The following GC variants were observed in gnomAD, a reference collection of about 807,000 sequenced individuals.
GC encodes the protein GC vitamin D binding protein, also known as vitamin D-binding protein.
GC carries 43 observed loss-of-function variants against 56.7 expected under a neutral mutation model. The ratio of observed to expected loss-of-function variants is 0.76; its 90% CI spans 0.59 to 0.98. GC has a LOEUF of 0.98. Ranked by LOEUF, GC falls within the 50% of genes least tolerant of loss-of-function variation. The probability of loss-of-function intolerance (pLI) is 0.00; values close to 1 mark genes in which losing one functional copy is unlikely to be tolerated. For synonymous variants in GC, 216 were observed against 202.7 expected, an observed-to-expected ratio of 1.07 and a Z score of -0.56; for missense variants, 529 against 545.9, an observed-to-expected ratio of 0.97 and a Z score of 0.31.
intron 8 of GC, among the ~76,000 whole-genome samples, chr4:71,756,086 AAATG>A (rs202036405): frequency 0.05 from 6,615 of 131,360 alleles, 197 homozygotes; most frequent in Non-Finnish European, 0.079. Flanking sequence ...AATTTAATGA[AAATG>A]AATATTGATA....
At position 71,746,137 on chromosome 4, in the gene GC, TA is replaced by T; in HGVS notation, c.*25+13del. Reference sequence around the variant, plus strand: ...GCTGGATCCGTTGGTCCTGCATTTATAAAATATACTTACCAAAGTTAATAAA... The same window carrying T: ...GCTGGATCCGTTGGTCCTGCATTTATAAATATACTTACCAAAGTTAATAAA... On this transcript the variant is annotated intron_variant, in intron 12 of 12. Coordinates refer to ENST00000273951, the MANE Select transcript of GC (RefSeq NM_000583.4). The T allele has an allele frequency of 1.0e-6, 1 of 981,778 alleles. No homozygotes were observed. Among genetic ancestry groups the T allele is most frequent in the Non-Finnish European group, 1.6e-6 (1 of 610,452 alleles). 60.8% of individuals were successfully genotyped at this position (981,778 alleles called of 1,614,324 possible).
chr4:71,770,429 G>C lies in GC; in HGVS notation c.59-1029C>G, dbSNP rs190144657. 5.5e-4 allele frequency among the ~76,000 whole-genome samples: 83 copies of C among 152,282 alleles called. 1 individual carries two copies. The highest frequency in any genetic ancestry group is 1.7e-3 in the African/African-American group (72 of 41,576). ...GGGGCCCAGAGGAGAGTCTTAAGGT[G>C]CCAGCTGCATATGAGAGATCTCCAG... On this transcript the variant is annotated intron_variant, in intron 1 of 12. Coordinates refer to ENST00000273951, the MANE Select transcript of GC (RefSeq NM_000583.4).
At chr4:71,757,483 A>G (rs942102858) in intron 7 of GC, among the ~76,000 whole-genome samples, 1 of 144,880 alleles carries the variant, frequency 6.9e-6, no homozygotes, top group African/African-American at 2.8e-5. Flanking sequence ...GGATTATGAA[A>G]ATGAAAAATG....
chr4:71,776,453 T>C (rs1007312431), intron 1 of GC, among the ~76,000 whole-genome samples: 1 of 151,624 alleles, frequency 6.6e-6, no homozygotes, highest in Non-Finnish European at 1.5e-5. Flanking sequence ...TCTGAAAAAG[T>C]TGAACTCACA....
intron 2 of GC, among the ~76,000 whole-genome samples, chr4:71,768,966 G>A (rs148084986): frequency 1.5e-3 from 233 of 152,310 alleles, no homozygotes; most frequent in African/African-American, 5.3e-3. Flanking sequence ...AACCAATCTG[G>A]TGTTGTCCTT....
chr4:71,758,704 A>T (rs955825158), intron 6 of GC, among the ~76,000 whole-genome samples: 3 of 152,174 alleles, frequency 2.0e-5, no homozygotes, highest in East Asian at 1.9e-4. Context: ...CAGGAATAAC[A>T]TTAAATATTT....
chr4:71,801,633 C>G (rs1743256180), intron 1 of GC, among the ~76,000 whole-genome samples: 1 of 152,162 alleles, frequency 6.6e-6, no homozygotes, highest in Non-Finnish European at 1.5e-5. Context: ...ATGGAAGAAA[C>G]TCTAGTATGG....
chr4:71,756,536 A>C (rs1160988701), intron 8 of GC, among the ~76,000 whole-genome samples, 176 bp downstream of exon 8: 1 of 152,200 alleles, frequency 6.6e-6, no homozygotes, highest in Non-Finnish European at 1.5e-5. Context: ...TGTTTTAAAA[A>C]TTTTAGTCAT....
intron 6 of GC, among the ~76,000 whole-genome samples, chr4:71,761,726 G>A (rs898383829): frequency 2.6e-5 from 4 of 152,184 alleles, no homozygotes; most frequent in African/African-American, 4.8e-5. Context: ...ATGGCTGAAA[G>A]GGGCCAATGT....
intron 3 of GC, among the ~76,000 whole-genome samples, chr4:71,766,885 C>T (rs1742174692): frequency 6.6e-6 from 1 of 151,990 alleles, no homozygotes; most frequent in South Asian, 2.1e-4. Flanking sequence ...TTTGAACAAG[C>T]AGGAGAAAGA....
chr4:71,751,598 G>A (rs1396803980), intron 11 of GC, among the ~76,000 whole-genome samples: 1 of 152,100 alleles, frequency 6.6e-6, no homozygotes, highest in Admixed American at 6.6e-5. Context: ...AAGGAGGAGG[G>A]GAATAGGGGA....
intron 1 of GC, among the ~76,000 whole-genome samples, chr4:71,771,526 C>T (rs188744822): frequency 6.6e-5 from 10 of 152,146 alleles, no homozygotes; most frequent in Admixed American, 1.3e-4. Context: ...CACTTTTTAA[C>T]AAGAGACCTA....
chr4:71,764,072 C>G (rs752958009), intron 4 of GC, 136 bp from the exon 5 acceptor site: 37 of 648,116 alleles, frequency 5.7e-5, no homozygotes, highest in Non-Finnish European at 8.9e-5. Flanking sequence ...GTCTCAACCT[C>G]CTGGCCTCAA....
intron 1 of GC, among the ~76,000 whole-genome samples, chr4:71,779,864 G>A (rs1447270338): frequency 1.3e-5 from 2 of 151,788 alleles, no homozygotes. Flanking sequence ...TGTTTTGACA[G>A]GGAAGGAAGA....
chr4:71,800,592 T>C (rs989585904), intron 1 of GC, among the ~76,000 whole-genome samples: 1 of 152,230 alleles, frequency 6.6e-6, no homozygotes, highest in Admixed American at 6.5e-5. Context: ...TTTGGGTATA[T>C]ACCCAGTAAT....
intron 11 of GC, among the ~76,000 whole-genome samples, chr4:71,751,342 C>A (rs1741548526): frequency 1.3e-5 from 2 of 152,114 alleles, no homozygotes; most frequent in African/African-American, 4.8e-5. Context: ...GGTCTCCTCC[C>A]CTCTCTCACA....
intron 12 of GC, 39 bp downstream of exon 12, chr4:71,746,112 G>T: frequency 1.3e-6 from 1 of 778,408 alleles, no homozygotes; most frequent in Non-Finnish European, 2.3e-6. Flanking sequence ...ATCCTACAAT[G>T]CTGGATCCGT....
Position 71,756,694 on chromosome 4 carries a change from C to A in GC, c.1034+18G>T. ...TGAACTTAAAATGGGAAAACGTTTTCACATCACCTCTACTTACTTATCCAT... is the reference window on the plus strand; with the variant it reads ...TGAACTTAAAATGGGAAAACGTTTTAACATCACCTCTACTTACTTATCCAT... On this transcript the variant is annotated intron_variant, in intron 8 of 12. Transcript: ENST00000273951. 2 of 1,575,596 alleles carry A rather than the reference C, an allele frequency of 1.3e-6. No homozygotes were observed. Among genetic ancestry groups the A allele is most frequent in the Non-Finnish European group, 1.7e-6 (2 of 1,145,276 alleles).
intron 1 of GC, among the ~76,000 whole-genome samples, chr4:71,794,657 T>C (rs1743053856): frequency 6.6e-6 from 1 of 152,200 alleles, no homozygotes; most frequent in African/African-American, 2.4e-5. Context: ...CTCTATCTCC[T>C]TGAGTTCTGC....
Sources: gnomAD v4.1 joint callset for allele counts (sites outside exome capture counted in the v4.1 genomes callset) on GRCh38, gnomAD v4.1.1 for gene constraint, MANE v1.5 for transcripts, NCBI Gene and HGNC (gene_info 2026-07-23, HGNC 2026-07-21) for gene names.